Variants in PLXDC2 observed in about 807,000 individuals in gnomAD.
The protein encoded by PLXDC2 is plexin domain containing 2.
PLXDC2 carries 40 observed loss-of-function variants against 68.9 expected under a neutral mutation model. The ratio of observed to expected loss-of-function variants is 0.58; its 90% CI spans 0.45 to 0.76. PLXDC2 has a LOEUF of 0.76. PLXDC2 is among the 30% of genes least tolerant of loss of function. The pLI, the probability that PLXDC2 is intolerant of heterozygous loss-of-function variation, is 0.00. For synonymous variants in PLXDC2, 243 were observed against 234.2 expected (o/e 1.04, Z -0.34); for missense variants, 644 against 661.9 (o/e 0.97, Z 0.30).
intron 1 of PLXDC2, among the ~76,000 whole-genome samples, chr10:19,879,317 G>T (rs1193896844): frequency 6.6e-6 from 1 of 152,078 alleles, no homozygotes; most frequent in Non-Finnish European, 1.5e-5. Flanking sequence ...GTATCAGAGT[G>T]CTGGGCACAT....
At chr10:20,130,227 CTT>C (rs1279370118) in intron 4 of PLXDC2, among the ~76,000 whole-genome samples, 2 of 151,684 alleles carry the variant, frequency 1.3e-5, no homozygotes, top group African/African-American at 2.4e-5. Context: ...TCTTTTATCT[CTT>C]TGGATAAAAT....
intron 1 of PLXDC2, among the ~76,000 whole-genome samples, chr10:19,971,640 A>G (rs1452433425): frequency 6.6e-6 from 1 of 152,088 alleles, no homozygotes; most frequent in African/African-American, 2.4e-5. Flanking sequence ...CTACATTCTA[A>G]TATTTATTAG....
In PLXDC2 at chr10:20,286,022, T is replaced by C. The variant is rs1836148895; in HGVS notation, c.*6203T>C. ...CCAATGCCCACTGCTCTCACAATGA[T>C]TATTGTAGAGAAGTAAAATGGTAAT... On this transcript the variant is annotated 3_prime_UTR_variant, in exon 14 of 14. Coordinates refer to ENST00000377252, the MANE Select transcript of PLXDC2 (RefSeq NM_032812.9). 2.0e-5 allele frequency: 3 copies of C among 152,300 alleles called. No individual in the cohort carries two copies. The South Asian group carries it at 6.2e-4, about 32-fold the overall frequency. 9.4% of individuals were successfully genotyped at this position (152,300 alleles called of 1,614,324 possible).
intron 1 of PLXDC2, among the ~76,000 whole-genome samples, chr10:19,860,040 T>G (rs1837290210): frequency 6.6e-6 from 1 of 152,194 alleles, no homozygotes; most frequent in African/African-American, 2.4e-5. Flanking sequence ...AGAAACCTAT[T>G]TGTATTCAAA....
At chr10:20,265,113 TG>T (rs1285025766) in intron 13 of PLXDC2, among the ~76,000 whole-genome samples, 2 of 152,188 alleles carry the variant, frequency 1.3e-5, no homozygotes, top group African/African-American at 4.8e-5. Context: ...TGTGAAAGGA[TG>T]GAAAATGTCA....
chr10:20,177,185 T>C, intron 8 of PLXDC2, 91 bp downstream of exon 8: 2 of 1,356,638 alleles, frequency 1.5e-6, no homozygotes, highest in Non-Finnish European at 2.1e-6. Context: ...TATTAAATAA[T>C]TACCATTATA....
chr10:20,180,617 A>G (rs1834590569), intron 9 of PLXDC2, among the ~76,000 whole-genome samples: 1 of 152,150 alleles, frequency 6.6e-6, no homozygotes, highest in African/African-American at 2.4e-5. Context: ...CTGAATGATA[A>G]TCGGTTGGTG....
intron 1 of PLXDC2, among the ~76,000 whole-genome samples, chr10:19,859,612 C>G (rs1209683317): frequency 6.6e-6 from 1 of 152,086 alleles, no homozygotes; most frequent in Non-Finnish European, 1.5e-5. Context: ...TTTGTTAAAG[C>G]CTTTCCATGT....
intron 4 of PLXDC2, among the ~76,000 whole-genome samples, chr10:20,107,232 G>A (rs1023945689): frequency 9.2e-5 from 14 of 151,724 alleles, no homozygotes; most frequent in Admixed American, 2.0e-4. Flanking sequence ...CTATTCCTTG[G>A]TATATGTCAA....
chr10:19,883,955 G>A (rs1011098086), intron 1 of PLXDC2, among the ~76,000 whole-genome samples: 1 of 138,816 alleles, frequency 7.2e-6, no homozygotes, highest in Non-Finnish European at 1.5e-5. Context: ...GTGTGGTGGC[G>A]TGATTGATCT....
chr10:19,899,683 C>G (rs547819537), intron 1 of PLXDC2, among the ~76,000 whole-genome samples: 1 of 152,136 alleles, frequency 6.6e-6, no homozygotes, highest in African/African-American at 2.4e-5. Context: ...TTGTAAAAAT[C>G]TATAAATCAT....
At position 20,082,070 on chromosome 10, in the gene PLXDC2, A is replaced by AAAAAAAAAAAAAAAAG. The variant is rs1554765383; in HGVS notation, c.541+13837_541+13838insAAAAAAAAAGAAAAAA. On this transcript the variant is annotated intron_variant, in intron 4 of 13. Transcript: ENST00000377252. ...GAAAAAAAAAAAAAAAAATCAAAAA[A>AAAAAAAAAAAAAAAAG]AAAAAACAGGAGAAGTCTGAGAAAC... Among the ~76,000 whole-genome samples the AAAAAAAAAAAAAAAAG allele has an allele frequency of 4.1e-5, 5 of 121,930 alleles. 2 individuals carry two copies. Among genetic ancestry groups the AAAAAAAAAAAAAAAAG allele is most frequent in the East Asian group, 6.0e-4 (2 of 3,358 alleles). The allele number at this position is 121,930 out of a possible 152,430, so 80.0% of individuals were successfully genotyped here.
intron 1 of PLXDC2, among the ~76,000 whole-genome samples, chr10:19,962,293 T>C (rs1383567601): frequency 6.7e-6 from 1 of 149,378 alleles, no homozygotes; most frequent in Non-Finnish European, 1.5e-5. Flanking sequence ...TAGGATTCTA[T>C]CTTACAACAG....
At chr10:20,056,249 A>T (rs1304670031) in intron 3 of PLXDC2, among the ~76,000 whole-genome samples, 1 of 152,206 alleles carries the variant, frequency 6.6e-6, no homozygotes, top group Non-Finnish European at 1.5e-5. Flanking sequence ...CACTTACCAA[A>T]CTAGAGGTTA....
At chr10:20,059,934 C>T (rs1437365656) in intron 3 of PLXDC2, among the ~76,000 whole-genome samples, 1 of 152,172 alleles carries the variant, frequency 6.6e-6, no homozygotes, top group Non-Finnish European at 1.5e-5. Context: ...CACATATATG[C>T]CTTTCCATAT....
At chr10:19,923,751 T>C (rs898843205) in intron 1 of PLXDC2, among the ~76,000 whole-genome samples, 5 of 152,324 alleles carry the variant, frequency 3.3e-5, no homozygotes, top group Admixed American at 3.3e-4. Flanking sequence ...CTATAACTGA[T>C]TCCCTCCATT....
rs551141515 is a variant in PLXDC2, at chr10:20,147,602, A to T, written c.665-182A>T. Among the ~76,000 whole-genome samples, 4 of 152,330 alleles carry T rather than the reference A, an allele frequency of 2.6e-5. No homozygotes were observed. In the East Asian group the frequency reaches 7.7e-4, roughly 29 times the overall value. On this transcript the variant is annotated intron_variant, in intron 5 of 13. Transcript: ENST00000377252. The stretch of plus-strand genomic sequence containing the variant: ...TTACTAAATATTTAGAGAGTACTCA[A>T]TCCTTTAAAAAAAATCCCAAATGCT...
intron 9 of PLXDC2, among the ~76,000 whole-genome samples, chr10:20,181,214 T>A (rs905572059): frequency 6.6e-6 from 1 of 152,022 alleles, no homozygotes; most frequent in South Asian, 2.1e-4. Context: ...GAAGAGAGCA[T>A]GGTTTGATTA....
At chr10:20,186,634 T>G (rs1028071801) in intron 9 of PLXDC2, among the ~76,000 whole-genome samples, 1 of 151,972 alleles carries the variant, frequency 6.6e-6, no homozygotes, top group African/African-American at 2.4e-5. Context: ...TTCTCGTATT[T>G]AGCTCCCATT....
Sources: gnomAD v4.1 joint callset for allele counts (sites outside exome capture counted in the v4.1 genomes callset) on GRCh38, gnomAD v4.1.1 for gene constraint, MANE v1.5 for transcripts, NCBI Gene and HGNC (gene_info 2026-07-23, HGNC 2026-07-21) for gene names.